The following SLC25A26 variants were observed in gnomAD, a reference collection of about 807,000 sequenced individuals.
SLC25A26 encodes the protein mitochondrial S-adenosylmethionine carrier protein.
In SLC25A26, 36 loss-of-function variants were observed where a neutral mutation model predicts 37.8. The observed-to-expected ratio is 0.95, with a 90% confidence interval of 0.73 to 1.26. The LOEUF (loss-of-function observed/expected upper bound fraction) is 1.26, where lower values mean the gene tolerates loss of function less well. Among genes scored for constraint, SLC25A26 ranks in the 50% most tolerant of loss-of-function variants. The pLI, the probability that SLC25A26 is intolerant of heterozygous loss-of-function variation, is 0.00. For synonymous variants in SLC25A26, 129 were observed against 122.5 expected (o/e 1.05, Z -0.35); for missense variants, 390 against 331.1 (o/e 1.18, Z -1.38).
At chr3:66,296,351 A>C (rs192340790) in intron 5 of SLC25A26, among the ~76,000 whole-genome samples, 9 of 152,338 alleles carry the variant, frequency 5.9e-5, no homozygotes, top group Middle Eastern at 3.4e-3. Context: ...GAGTACATCA[A>C]ACATGTTCAA....
chr3:66,364,373 A>C (rs896032085), intron 7 of SLC25A26, among the ~76,000 whole-genome samples: 1 of 152,148 alleles, frequency 6.6e-6, no homozygotes, highest in Non-Finnish European at 1.5e-5. Context: ...AGGCCCTTTC[A>C]GTTAAGGTGA....
At chr3:66,261,436 T>C (rs913778984) in intron 3 of SLC25A26, among the ~76,000 whole-genome samples, 5 of 152,144 alleles carry the variant, frequency 3.3e-5, no homozygotes, top group African/African-American at 1.2e-4. Flanking sequence ...AGATGACATA[T>C]ACCCGGCCTC....
intron 1 of SLC25A26, among the ~76,000 whole-genome samples, chr3:66,206,312 C>T (rs987917630): frequency 2.6e-5 from 4 of 152,132 alleles, no homozygotes; most frequent in Non-Finnish European, 4.4e-5. Flanking sequence ...GAGGCAGGGT[C>T]CATTTTGGAA....
intron 9 of SLC25A26, among the ~76,000 whole-genome samples, chr3:66,376,363 C>A (rs1700649268): frequency 6.6e-6 from 1 of 152,046 alleles, no homozygotes; most frequent in African/African-American, 2.4e-5. Flanking sequence ...ACAGAGAAAT[C>A]TTTCATGAAA....
chr3:66,281,404 A>G (rs906385708), intron 5 of SLC25A26, among the ~76,000 whole-genome samples: 2 of 152,240 alleles, frequency 1.3e-5, no homozygotes, highest in Non-Finnish European at 2.9e-5. Flanking sequence ...ACATCTGTGG[A>G]TACTTCTTGT....
At chr3:66,157,195 C>G (rs2070295663) in intron 1 of SLC25A26, among the ~76,000 whole-genome samples, 1 of 152,166 alleles carries the variant, frequency 6.6e-6, no homozygotes, top group Non-Finnish European at 1.5e-5. Context: ...GATGGCCCCA[C>G]TGCACTCCAT....
chr3:66,366,250 A>G (rs536712117), intron 7 of SLC25A26, among the ~76,000 whole-genome samples: 1 of 152,312 alleles, frequency 6.6e-6, no homozygotes, highest in African/African-American at 2.4e-5. Flanking sequence ...CATATGTTAG[A>G]CTGTTCCTTG....
chr3:66,200,340 G>A (rs2106811579), intron 1 of SLC25A26, among the ~76,000 whole-genome samples: 1 of 152,272 alleles, frequency 6.6e-6, no homozygotes, highest in East Asian at 1.9e-4. Flanking sequence ...TGCCGGGTGG[G>A]GTAAGCCAGC....
intron 1 of SLC25A26, among the ~76,000 whole-genome samples, chr3:66,209,916 A>T (rs1204335573): frequency 3.3e-4 from 14 of 41,838 alleles, no homozygotes; most frequent in East Asian, 1.2e-3. Flanking sequence ...ATATATATAT[A>T]TATATATATA....
intron 5 of SLC25A26, among the ~76,000 whole-genome samples, chr3:66,341,967 G>C (rs947445079): frequency 6.6e-6 from 1 of 151,734 alleles, no homozygotes; most frequent in African/African-American, 2.4e-5. Flanking sequence ...GGAATTTTTA[G>C]GTCTTCAACT....
rs2074817083 is a variant in SLC25A26, at chr3:66,294,219, TCTC to T, written c.453+30843_453+30845del. 5.9e-5 allele frequency among the ~76,000 whole-genome samples: 9 copies of T among 152,294 alleles called. 1 individual carries two copies. In the South Asian group the frequency reaches 1.9e-3, roughly 32 times the overall value. ...ATACCTCTGAGCAGTGTTTTCTAGT[TCTC>T]CTTGTAGTATCTTTCACCTCCTTGG... On this transcript the variant is annotated intron_variant, in intron 5 of 9. Coordinates refer to ENST00000354883, the MANE Select transcript of SLC25A26 (RefSeq NM_001379210.1).
chr3:66,317,722 T>C (rs1347433512), intron 5 of SLC25A26, among the ~76,000 whole-genome samples: 1 of 152,162 alleles, frequency 6.6e-6, no homozygotes, highest in Admixed American at 6.5e-5. Context: ...AAGACTAAGA[T>C]TGCTTATCCA....
intron 1 of SLC25A26, among the ~76,000 whole-genome samples, chr3:66,165,336 G>A (rs1222167251): frequency 6.6e-6 from 1 of 152,188 alleles, no homozygotes; most frequent in Non-Finnish European, 1.5e-5. Flanking sequence ...ACTCAGCTAA[G>A]CTGCTTTTGA....
intron 5 of SLC25A26, among the ~76,000 whole-genome samples, chr3:66,266,994 G>T (rs957970860): frequency 6.6e-6 from 1 of 152,148 alleles, no homozygotes; most frequent in African/African-American, 2.4e-5. Context: ...GATGTCTTTT[G>T]TCCACAAATT....
intron 1 of SLC25A26, among the ~76,000 whole-genome samples, chr3:66,192,556 C>T (rs929447852): frequency 9.9e-5 from 15 of 152,116 alleles, no homozygotes; most frequent in African/African-American, 1.9e-4. Flanking sequence ...AATTGACTAA[C>T]GCAACAGAGC....
At chr3:66,175,140 T>TATATATATATATATATATAC (rs1413714739) in intron 1 of SLC25A26, among the ~76,000 whole-genome samples, 1 of 67,048 alleles carries the variant, frequency 1.5e-5, no homozygotes, top group African/African-American at 6.4e-5. Context: ...TATATATATA[T>TATATATATATATATATATAC]ACACACACAC....
chr3:66,304,505 TTG>T (rs142057565), intron 5 of SLC25A26: 10,789 of 456,090 alleles, frequency 0.024, 731 homozygotes, highest in African/African-American at 0.17. Flanking sequence ...CTGTGAGTTG[TTG>T]TGTGTGGCTT....
chr3:66,319,530 C>G (rs1328906129), intron 5 of SLC25A26, among the ~76,000 whole-genome samples: 1 of 152,000 alleles, frequency 6.6e-6, no homozygotes, highest in East Asian at 1.9e-4. Flanking sequence ...CTTATACCTT[C>G]CTTATCTGTT....
In SLC25A26 at chr3:66,221,082, G is replaced by A. The variant is rs371220823; in HGVS notation, c.-13G>A. ...CCGGCTTGGATTGTAGCCTTGACGA[G>A]GTCTGAGCGACCATGGACCGGCCGG... is the stretch of plus-strand genomic sequence containing the variant. On this transcript the variant is annotated 5_prime_UTR_variant, in exon 1 of 10. Coordinates refer to ENST00000354883, the MANE Select transcript of SLC25A26 (RefSeq NM_001379210.1). The A allele has an allele frequency of 1.1e-4, 170 of 1,535,120 alleles. 3 individuals are homozygous for A. The highest frequency in any genetic ancestry group is 8.4e-4 in the Middle Eastern group (5 of 5,980).
Sources: allele counts gnomAD v4.1 joint callset (sites outside exome capture counted in the v4.1 genomes callset), GRCh38; gene constraint gnomAD v4.1.1; transcripts MANE v1.5; gene names NCBI Gene and HGNC (gene_info 2026-07-23, HGNC 2026-07-21).